SGCG: variants seen among roughly 807,000 people sequenced by gnomAD.
SGCG encodes the protein gamma-sarcoglycan.
SGCG carries 26 observed loss-of-function variants against 29.3 expected under a neutral mutation model. The ratio of observed to expected loss-of-function variants is 0.89; its 90% CI spans 0.65 to 1.23. The LOEUF (loss-of-function observed/expected upper bound fraction) is 1.23, where lower values mean the gene tolerates loss of function less well. SGCG is among the 50% of genes most tolerant of loss of function. The pLI is 0.00. For missense variants in SGCG, 353 were observed against 356.0 expected, an observed-to-expected ratio of 0.99 and a Z score of 0.07; for synonymous variants, 145 against 129.7, an observed-to-expected ratio of 1.12 and a Z score of -0.80.
At chr13:23,282,512 G>T (rs928420141) in intron 5 of SGCG, among the ~76,000 whole-genome samples, 1 of 152,110 alleles carries the variant, frequency 6.6e-6, no homozygotes, top group Non-Finnish European at 1.5e-5. Flanking sequence ...GCCTCAGTGT[G>T]TGTTGTTCTC....
At chr13:23,210,396 A>T (rs1165037256) in intron 2 of SGCG, among the ~76,000 whole-genome samples, 2 of 152,184 alleles carry the variant, frequency 1.3e-5, no homozygotes, top group Non-Finnish European at 2.9e-5. Flanking sequence ...CATTTAGTAT[A>T]TAATAGATTT....
chr13:23,293,830 TAAAAA>T (rs10579291), intron 5 of SGCG, among the ~76,000 whole-genome samples: 16 of 143,152 alleles, frequency 1.1e-4, no homozygotes, highest in East Asian at 8.5e-4. Flanking sequence ...GATTCCGTCT[TAAAAA>T]AAAAAAAAAA....
chr13:23,175,690 C>T, the SGCG span, among the ~76,000 whole-genome samples: 6 of 152,052 alleles, frequency 3.9e-5, no homozygotes, highest in African/African-American at 1.2e-4. Context: ...AATTTCTCCC[C>T]TCTATCTTCT....
At chr13:23,256,453 T>C (rs909547477) in intron 4 of SGCG, among the ~76,000 whole-genome samples, 15 of 152,180 alleles carry the variant, frequency 9.9e-5, no homozygotes, top group African/African-American at 3.6e-4. Flanking sequence ...TATGTATACA[T>C]GTGCCATGTT....
rs533466503 is a variant in SGCG at position 23,223,787 on chromosome 13, GA to G, written c.196-10821del. Among the ~76,000 whole-genome samples the G allele has an allele frequency of 9.2e-3, 1,398 of 152,168 alleles. 26 individuals are homozygous for G. The highest frequency in any genetic ancestry group is 0.032 in the African/African-American group (1,333 of 41,494). The stretch of plus-strand genomic sequence containing the variant: ...TTGAGACCAGCCTGACCAACATGGT[GA>G]AACCCCGTCTCTACTAAAAATACAA... On this transcript the variant is annotated intron_variant, in intron 2 of 7. Coordinates refer to ENST00000218867, the MANE Select transcript of SGCG (RefSeq NM_000231.3).
At chr13:23,242,528 C>T (rs1394871365) in intron 3 of SGCG, among the ~76,000 whole-genome samples, 1 of 152,104 alleles carries the variant, frequency 6.6e-6, no homozygotes, top group African/African-American at 2.4e-5. Flanking sequence ...TCACCTACTC[C>T]CTAAGGTGTA....
chr13:23,197,692 C>T (rs989486655), intron 1 of SGCG, among the ~76,000 whole-genome samples: 2 of 152,082 alleles, frequency 1.3e-5, no homozygotes, highest in African/African-American at 4.8e-5. Flanking sequence ...AAATATAAAG[C>T]TAAGTTTAAA....
At chr13:23,249,818 A>T (rs1879892370) in intron 3 of SGCG, among the ~76,000 whole-genome samples, 1 of 152,210 alleles carries the variant, frequency 6.6e-6, no homozygotes, top group South Asian at 2.1e-4. Flanking sequence ...TGTAGAAAAA[A>T]TCTGTTGAAA....
chr13:23,292,002 G>C (rs1881726542), intron 5 of SGCG, among the ~76,000 whole-genome samples: 2 of 152,178 alleles, frequency 1.3e-5, no homozygotes, highest in East Asian at 3.8e-4. Context: ...GAAACAACCT[G>C]CTGTGACACC....
intron 3 of SGCG, among the ~76,000 whole-genome samples, chr13:23,242,569 T>C (rs1375918486): frequency 1.3e-5 from 2 of 152,212 alleles, no homozygotes; most frequent in African/African-American, 4.8e-5. Context: ...TTCAAACAGG[T>C]ACATTCAGAG....
At chr13:23,243,308 A>G (rs1256210873) in intron 3 of SGCG, among the ~76,000 whole-genome samples, 3 of 152,112 alleles carry the variant, frequency 2.0e-5, no homozygotes, top group African/African-American at 7.2e-5. Flanking sequence ...CATAATCACT[A>G]GACAGTTATG....
chr13:23,312,579 G>A (rs1882642671), intron 6 of SGCG, among the ~76,000 whole-genome samples: 1 of 152,212 alleles, frequency 6.6e-6, no homozygotes. Flanking sequence ...TGGACGTAGT[G>A]TGTGGAATGA....
At chr13:23,174,983 GC>G in the SGCG span, among the ~76,000 whole-genome samples, 2 of 152,142 alleles carry the variant, frequency 1.3e-5, no homozygotes, top group Non-Finnish European at 2.9e-5. Context: ...GGATGGAGCA[GC>G]CGCAGCAACA....
chr13:23,286,919 G>T (rs1342485110), intron 5 of SGCG, among the ~76,000 whole-genome samples: 1 of 152,136 alleles, frequency 6.6e-6, no homozygotes, highest in African/African-American at 2.4e-5. Context: ...TAGGACGGTG[G>T]GTAACTGAAA....
In SGCG at chr13:23,201,891, G is replaced by A. The variant is rs534908474; in HGVS notation, c.1-1804G>A. On this transcript the variant is annotated intron_variant, in intron 1 of 7. Transcript: ENST00000218867. Reference sequence around the variant, plus strand: ...CACTCTCCTAGTCTGTCCTTTATAGGAATTCTGGAGCCATTATTTCAAATG... The same window carrying A: ...CACTCTCCTAGTCTGTCCTTTATAGAAATTCTGGAGCCATTATTTCAAATG... Among the ~76,000 whole-genome samples, 504 of 152,212 alleles carry A rather than the reference G, an allele frequency of 3.3e-3. 2 individuals carry two copies. Among genetic ancestry groups the A allele is most frequent in the African/African-American group, 0.011 (475 of 41,524 alleles).
chr13:23,306,765 G>C (rs986779816), intron 6 of SGCG, among the ~76,000 whole-genome samples: 2 of 151,826 alleles, frequency 1.3e-5, no homozygotes, highest in African/African-American at 4.8e-5. Flanking sequence ...CCAAGAAAAA[G>C]GAAAAAAATA....
chr13:23,318,571 A>T (rs1384049256), intron 6 of SGCG, among the ~76,000 whole-genome samples: 4 of 152,102 alleles, frequency 2.6e-5, no homozygotes, highest in African/African-American at 9.7e-5. Flanking sequence ...TTATGTATTT[A>T]CCTATTCAGA....
At chr13:23,186,757 G>A (rs566773183) in intron 1 of SGCG, among the ~76,000 whole-genome samples, 1 of 152,154 alleles carries the variant, frequency 6.6e-6, no homozygotes, top group East Asian at 1.9e-4. Context: ...AAGAACAGGG[G>A]ATCCCGGGCT....
chr13:23,260,903 C>T (rs1880407331), intron 4 of SGCG, among the ~76,000 whole-genome samples: 1 of 152,156 alleles, frequency 6.6e-6, no homozygotes, highest in East Asian at 1.9e-4. Context: ...GCCAAGAGAT[C>T]TGCTCTTAGT....
Sources: gnomAD v4.1 joint callset for allele counts (sites outside exome capture counted in the v4.1 genomes callset) on GRCh38, gnomAD v4.1.1 for gene constraint, MANE v1.5 for transcripts, NCBI Gene and HGNC (gene_info 2026-07-23, HGNC 2026-07-21) for gene names.